LOC112694756: variants seen among roughly 807,000 people sequenced by gnomAD.
chr16:30,069,517 A>G, the LOC112694756 span: 24 of 1,613,904 alleles, frequency 1.5e-5, no homozygotes, highest in Non-Finnish European at 1.9e-5. Flanking sequence ...TGCTGTCTAC[A>G]AGGCTCTGAG....
chr16:30,067,918 C>G, the LOC112694756 span: 1 of 551,254 alleles, frequency 1.8e-6, no homozygotes, highest in Non-Finnish European at 3.3e-6. Context: ...GAGCCCCAGT[C>G]TGACACCCAA....
chr16:30,063,226 C>A, the LOC112694756 span, among the ~76,000 whole-genome samples: 1 of 152,086 alleles, frequency 6.6e-6, no homozygotes, highest in African/African-American at 2.4e-5. Context: ...TGAATGCGGT[C>A]TGTTCGTTGC....
chr16:30,064,233 T>C, the LOC112694756 span: 1 of 395,058 alleles, frequency 2.5e-6, no homozygotes, highest in African/African-American at 2.1e-5. Flanking sequence ...CCACGGACTC[T>C]CCGTTATTTT....
At chr16:30,067,207 T>A in the LOC112694756 span, 3 of 1,611,988 alleles carry the variant, frequency 1.9e-6, no homozygotes, top group Non-Finnish European at 2.5e-6. Context: ...AGCTAACTAG[T>A]CCTTCCCCTC....
chr16:30,065,338 G>A, the LOC112694756 span, among the ~76,000 whole-genome samples: 1 of 152,234 alleles, frequency 6.6e-6, no homozygotes, highest in East Asian at 1.9e-4. Context: ...CGCTGCAGCC[G>A]CGAAGACCGG....
the LOC112694756 span, among the ~76,000 whole-genome samples, chr16:30,059,271 G>T: frequency 6.6e-6 from 1 of 152,030 alleles, no homozygotes; most frequent in Non-Finnish European, 1.5e-5. Flanking sequence ...GCCAAGGCGG[G>T]CAGATCACAA....
chr16:30,058,915 G>GA, the LOC112694756 span: 2 of 398,364 alleles, frequency 5.0e-6, no homozygotes, highest in Admixed American at 4.4e-5. Flanking sequence ...GCAGAAACAA[G>GA]ATGGAGAAGG....
chr16:30,067,416 G>A, the LOC112694756 span: 3 of 1,613,840 alleles, frequency 1.9e-6, no homozygotes, highest in South Asian at 3.3e-5. Flanking sequence ...GGGAGTGGCA[G>A]GCTGATCCCC....
the LOC112694756 span, chr16:30,059,187 G>A: frequency 4.4e-4 from 173 of 389,036 alleles, no homozygotes; most frequent in Non-Finnish European, 7.7e-5. Context: ...GCTGAGGGAA[G>A]AAGCTATGAT....
the LOC112694756 span, among the ~76,000 whole-genome samples, chr16:30,062,530 CAA>C: frequency 5.2e-3 from 302 of 58,578 alleles, 1 homozygote; most frequent in African/African-American, 0.018. Context: ...GACTCCGTCT[CAA>C]AAAAAAAAAA....
chr16:30,055,282 C>G, the LOC112694756 span: 1 of 399,338 alleles, frequency 2.5e-6, no homozygotes, highest in Non-Finnish European at 4.4e-6. Flanking sequence ...CTCTGCCTAG[C>G]CCGGCCCACT....
the LOC112694756 span, among the ~76,000 whole-genome samples, chr16:30,055,494 G>C: frequency 6.6e-6 from 1 of 152,182 alleles, no homozygotes; most frequent in African/African-American, 2.4e-5. Flanking sequence ...ATCAGATAAT[G>C]CCTGGTGATG....
At chr16:30,054,414 G>A in the LOC112694756 span, among the ~76,000 whole-genome samples, 1 of 152,088 alleles carries the variant, frequency 6.6e-6, no homozygotes, top group Non-Finnish European at 1.5e-5. Context: ...ACTACACAAG[G>A]ACATCTGGTG....
the LOC112694756 span, chr16:30,069,654 A>G: frequency 2.5e-6 from 4 of 1,613,752 alleles, no homozygotes; most frequent in Non-Finnish European, 3.4e-6. Flanking sequence ...TGCGCCGCAC[A>G]GTGCCCCCCG....
chr16:30,066,908 G>C, the LOC112694756 span: 4 of 1,550,348 alleles, frequency 2.6e-6, no homozygotes, highest in Non-Finnish European at 3.5e-6. Flanking sequence ...ATGGCAAGGC[G>C]CAAGCCAGAA....
chr16:30,066,958 G>A, the LOC112694756 span: 27 of 1,551,912 alleles, frequency 1.7e-5, no homozygotes, highest in East Asian at 2.4e-4. Context: ...CATGGCTATG[G>A]CCTTTTCCTT....
At chr16:30,069,362 G>A in the LOC112694756 span, 1 of 1,614,204 alleles carries the variant, frequency 6.2e-7, no homozygotes, top group East Asian at 2.2e-5. Context: ...ACCATGACTT[G>A]AAGCGCTGCC....
At chr16:30,067,315 C>G in the LOC112694756 span, 3 of 1,613,364 alleles carry the variant, frequency 1.9e-6, no homozygotes, top group Non-Finnish European at 2.5e-6. Context: ...TGACATCGCT[C>G]ACCGCATCGT....
chr16:30,070,336 GGT>G, the LOC112694756 span: 8 of 853,106 alleles, frequency 9.4e-6, no homozygotes, highest in Non-Finnish European at 1.6e-5. Flanking sequence ...TCGTGACAGT[GGT>G]GTGTGGTGTC....
Sources: gnomAD v4.1 joint callset for allele counts (sites outside exome capture counted in the v4.1 genomes callset) on GRCh38, gnomAD v4.1.1 for gene constraint, MANE v1.5 for transcripts.